The following ZNF814 variants were observed in gnomAD, a reference collection of about 807,000 sequenced individuals.
ZNF814 encodes zinc finger protein 814.
ZNF814 carries 5 observed loss-of-function variants against 7.5 expected under a neutral mutation model. The ratio of observed to expected loss-of-function variants is 0.67; its 90% confidence interval spans 0.35 to 1.40. The LOEUF (loss-of-function observed/expected upper bound fraction) is 1.40, where lower values mean the gene tolerates loss of function less well. ZNF814 is among the 40% of genes most tolerant of loss of function. ZNF814 has a pLI of 0.04. For missense variants in ZNF814, 962 were observed against 1,018.0 expected, an observed-to-expected ratio of 0.94 and a Z score of 0.75; for synonymous variants, 315 against 340.7, an observed-to-expected ratio of 0.92 and a Z score of 0.83.
intron 1 of ZNF814, among the ~76,000 whole-genome samples, chr19:57,885,045 G>A (rs193081843): frequency 1.8e-3 from 278 of 152,272 alleles, no homozygotes; most frequent in Middle Eastern, 3.4e-3. Flanking sequence ...ATGTAGGCCG[G>A]ACGCAGTGGC....
chr19:57,893,169 GA>G (rs1311714532), upstream of ZNF814, among the ~76,000 whole-genome samples: 6 of 144,462 alleles, frequency 4.2e-5, 1 homozygote, highest in African/African-American at 1.5e-4. Flanking sequence ...TTTTGTTATT[GA>G]TTTTTTTTTT....
At chr19:57,901,013 ATT>A in the ZNF814 span, among the ~76,000 whole-genome samples, 4 of 150,934 alleles carry the variant, frequency 2.7e-5, no homozygotes, top group African/African-American at 7.3e-5. Context: ...CGCCCGGCTA[ATT>A]TTTTTTGTAT....
rs751138490 is a variant in ZNF814 at position 57,873,435 on chromosome 19, C to T, written c.1955G>A (p.Arg652Gln). 1.7e-5 allele frequency: 27 copies of T among 1,613,758 alleles called. No individual in the cohort carries two copies. Among genetic ancestry groups the T allele is most frequent in the Non-Finnish European group, 2.2e-5 (26 of 1,179,920 alleles). ...NEKGHLRNHQ[R>Q]VHTTERPFKC... ...AAAAGGTCTTTCTGTAGTGTGAACT[C>T]GCTGATGATTCCTAAGGTGTCCTTT... The change falls in exon 3 of 3, where the codon CGA becomes CAA. Residue 652 changes from arginine (R) to glutamine (Q), a missense_variant. Coordinates refer to ENST00000435989, the MANE Select transcript of ZNF814 (RefSeq NM_001144989.2).
At chr19:57,894,984 G>A in the ZNF814 span, among the ~76,000 whole-genome samples, 1 of 152,136 alleles carries the variant, frequency 6.6e-6, no homozygotes, top group Non-Finnish European at 1.5e-5. Flanking sequence ...AAATCAGAAG[G>A]CACACAGGGG....
At chr19:57,888,210 T>C (rs2071709168) in intron 1 of ZNF814, among the ~76,000 whole-genome samples, 1 of 152,244 alleles carries the variant, frequency 6.6e-6, no homozygotes, top group Admixed American at 6.5e-5. Context: ...TATTGTTTGC[T>C]ATATTGACTG....
chr19:57,878,683 C>T (rs572386387), intron 1 of ZNF814, among the ~76,000 whole-genome samples: 120 of 152,028 alleles, frequency 7.9e-4, no homozygotes, highest in African/African-American at 2.9e-3. Context: ...GCTTTCAAAC[C>T]CCTGATGTCA....
At position 57,872,760 on chromosome 19, in the gene ZNF814, G is replaced by T; in HGVS notation, c.*62C>A. 1.2e-6 allele frequency: 2 copies of T among 1,607,788 alleles called. No individual in the cohort carries two copies. Among genetic ancestry groups the T allele is most frequent in the South Asian group, 2.2e-5 (2 of 90,140 alleles). On this transcript the variant is annotated 3_prime_UTR_variant, in exon 3 of 3. Transcript: ENST00000435989. Reference sequence around the variant, plus strand: ...CATTCATATGGCCTTTCTCCAGTGTGAACTCTCTGGTGTGCAATGAGGTGG... The same window carrying T: ...CATTCATATGGCCTTTCTCCAGTGTTAACTCTCTGGTGTGCAATGAGGTGG...
the ZNF814 span, among the ~76,000 whole-genome samples, chr19:57,904,743 T>C: frequency 6.6e-6 from 1 of 152,314 alleles, no homozygotes; most frequent in East Asian, 1.9e-4. Context: ...GTTTGTAGAC[T>C]TAATACCCAA....
Position 57,888,916 on chromosome 19 carries a change from G to T in ZNF814, c.-114C>A, listed in dbSNP as rs2071716023. The T allele has an allele frequency of 1.7e-6, 2 of 1,182,498 alleles. No homozygotes were observed. The highest frequency in any genetic ancestry group is 2.4e-6 in the Non-Finnish European group (2 of 821,318). The allele number at this position is 1,182,498 out of a possible 1,614,324, so 73.3% of individuals were successfully genotyped here. On this transcript the variant is annotated 5_prime_UTR_variant, in exon 1 of 3. Transcript: ENST00000435989. ...GGGTCACGCTGGGCGCCGTCACAGA[G>T]CTCCAGAGTAGCCTCTGTGCAGCGG...
At chr19:57,898,807 G>T in the ZNF814 span, among the ~76,000 whole-genome samples, 1 of 152,066 alleles carries the variant, frequency 6.6e-6, no homozygotes, top group Admixed American at 6.6e-5. Context: ...CGGGTGTGGC[G>T]GCATGTGCCT....
chr19:57,883,756 ATTTC>A (rs1307364890), intron 1 of ZNF814, among the ~76,000 whole-genome samples: 6 of 151,784 alleles, frequency 4.0e-5, no homozygotes, highest in Admixed American at 1.3e-4. Flanking sequence ...GTGGGCAAAG[ATTTC>A]TTTATTTTTT....
intron 1 of ZNF814, among the ~76,000 whole-genome samples, chr19:57,886,997 G>C (rs186544000): frequency 0.011 from 1,695 of 148,996 alleles, 33 homozygotes; most frequent in African/African-American, 0.04. Flanking sequence ...AGACCAGCCT[G>C]ACCAACATGG....
upstream of ZNF814, among the ~76,000 whole-genome samples, chr19:57,891,449 C>T (rs1193814282): frequency 9.3e-5 from 14 of 150,872 alleles, no homozygotes; most frequent in African/African-American, 2.4e-4. Flanking sequence ...GGCGTGAACC[C>T]GGGAGGTGGA....
At chr19:57,901,677 G>A in the ZNF814 span, 1 of 352,448 alleles carries the variant, frequency 2.8e-6, no homozygotes, top group Non-Finnish European at 4.7e-6. Flanking sequence ...CTCCAACATG[G>A]GGACAAATCA....
In ZNF814 at chr19:57,873,054, T is replaced by C. The variant is rs2071570049; in HGVS notation, c.2336A>G (p.Lys779Arg). The C allele has an allele frequency of 6.2e-7, 1 of 1,614,018 alleles. No individual in the cohort carries two copies. Among genetic ancestry groups the C allele is most frequent in the South Asian group, 1.1e-5 (1 of 91,056 alleles). ...EKPYECSECG[K>R]SFAESSSFTK... ...GAAACTGGAGCTTTCAGCGAAAGATTTTCCACATTCACTGCACTCATAAGG... is the reference window on the plus strand; with the variant it reads ...GAAACTGGAGCTTTCAGCGAAAGATCTTCCACATTCACTGCACTCATAAGG... Residue 779 changes from lysine (K) to arginine (R), a missense_variant, in exon 3 of 3, where the codon AAA becomes AGA. Transcript: ENST00000435989.
At chr19:57,878,157 ACT>A (rs1220203274) in intron 1 of ZNF814, among the ~76,000 whole-genome samples, 288 of 133,714 alleles carry the variant, frequency 2.2e-3, no homozygotes, top group Non-Finnish European at 3.8e-3. Context: ...CAAGAGCAAA[ACT>A]CTGTCTCAAA....
chr19:57,900,992 A>G, the ZNF814 span, among the ~76,000 whole-genome samples: 1,958 of 150,600 alleles, frequency 0.013, 41 homozygotes, highest in African/African-American at 0.037. Flanking sequence ...GACTACAGGC[A>G]CCCGCCGCTG....
chr19:57,890,814 T>A (rs2071730854), upstream of ZNF814, among the ~76,000 whole-genome samples: 1 of 152,102 alleles, frequency 6.6e-6, no homozygotes, highest in African/African-American at 2.4e-5. Flanking sequence ...TAACAGGAAT[T>A]GGGAAGGAGC....
chr19:57,873,449 A>G lies in ZNF814; in HGVS notation c.1941T>C (p.Leu647=), dbSNP rs1371527819. ...TAGTGTGAACTCGCTGATGATTCCT[A>G]AGGTGTCCTTTTTCATTAAAAGATT... The part of the protein sequence containing the change: ...CGKSFNEKGH[L]RNHQRVHTTE... Residue 647 remains leucine (L), a synonymous_variant, in exon 3 of 3, where the codon CTT becomes CTC. Transcript: ENST00000435989. 2 of 1,613,800 alleles carry G rather than the reference A, an allele frequency of 1.2e-6. No individual in the cohort carries two copies. Among genetic ancestry groups the G allele is most frequent in the South Asian group, 2.2e-5 (2 of 91,056 alleles).
Sources: gnomAD v4.1 joint callset for allele counts (sites outside exome capture counted in the v4.1 genomes callset) on GRCh38, gnomAD v4.1.1 for gene constraint, MANE v1.5 for transcripts, NCBI Gene and HGNC (gene_info 2026-07-23, HGNC 2026-07-21) for gene names.